C5: variants seen among roughly 807,000 people sequenced by gnomAD.
C5 encodes the protein C3 and PZP-like alpha-2-macroglobulin domain-containing protein 4.
In C5, 140 loss-of-function variants were observed where a neutral mutation model predicts 218.8. The ratio of observed to expected loss-of-function variants is 0.64; its 90% CI spans 0.56 to 0.74. The LOEUF (loss-of-function observed/expected upper bound fraction) is 0.74, where lower values mean the gene tolerates loss of function less well. Ranked by LOEUF, C5 falls within the 30% of genes least tolerant of loss-of-function variation. The pLI is 0.00. For missense variants in C5, 1,700 were observed against 1,969.6 expected, an observed-to-expected ratio of 0.86 and a Z score of 2.59; for synonymous variants, 614 against 682.3, an observed-to-expected ratio of 0.90 and a Z score of 1.56.
intron 12 of C5, among the ~76,000 whole-genome samples, chr9:121,018,252 C>CAAAAAA (rs1189613789): frequency 2.4e-5 from 1 of 42,204 alleles, no homozygotes; most frequent in Non-Finnish European, 4.4e-5. Flanking sequence ...GACTCTGTCT[C>CAAAAAA]AAAAAAAAAA....
At chr9:120,994,412 G>T (rs56152597) in intron 22 of C5, among the ~76,000 whole-genome samples, 16 of 151,778 alleles carry the variant, frequency 1.1e-4, no homozygotes, top group African/African-American at 3.9e-4. Flanking sequence ...GTAAAACCCC[G>T]TCTCTACTAA....
At chr9:121,002,284 ATATATG>A (rs1449184626) in intron 20 of C5, among the ~76,000 whole-genome samples, 1,217 of 118,612 alleles carry the variant, frequency 0.01, 34 homozygotes, top group African/African-American at 0.032. Flanking sequence ...ATATATACGT[ATATATG>A]TATATATGTA....
intron 31 of C5, among the ~76,000 whole-genome samples, chr9:120,970,543 G>C (rs569893351): frequency 3.2e-4 from 49 of 152,316 alleles, no homozygotes; most frequent in African/African-American, 1.2e-3. Flanking sequence ...GAGTTCCCAA[G>C]GTTCTTGTTT....
At chr9:120,962,630 A>G in intron 36 of C5, 41 bp downstream of exon 36, 1 of 1,373,016 alleles carries the variant, frequency 7.3e-7, no homozygotes, top group East Asian at 2.3e-5. Context: ...GAAAGAATAC[A>G]AAGTATTCTT....
the C5 span, among the ~76,000 whole-genome samples, chr9:121,067,886 T>A: frequency 6.6e-6 from 1 of 152,210 alleles, no homozygotes; most frequent in African/African-American, 2.4e-5. Context: ...TGTGAAACTG[T>A]GAGTCAATTA....
At chr9:120,963,803 C>T (rs765152421) in intron 33 of C5, 65 bp from the exon 34 acceptor site, 2 of 1,254,614 alleles carry the variant, frequency 1.6e-6, no homozygotes, top group Non-Finnish European at 2.3e-6. Flanking sequence ...AGAAAGGACA[C>T]TCTTCCTTAG....
chr9:120,974,908 GC>G lies in C5; in HGVS notation c.3887del (p.Gly1296AlafsTer2). ...STQDTINAIE[G>X]LTEYSLLVKQ... ...TAACCAGGAGTGAATATTCCGTCAG[GC>G]CCTCAATGGCATTGATTGTGTCCTG... On this transcript the variant is annotated frameshift_variant, in exon 30 of 41. Coordinates refer to ENST00000223642, the MANE Select transcript of C5 (RefSeq NM_001735.3). LOFTEE classifies it high-confidence loss of function. The G allele has an allele frequency of 1.2e-6, 2 of 1,614,160 alleles. No individual in the cohort carries two copies. The highest frequency in any genetic ancestry group is 4.5e-5 in the East Asian group (2 of 44,882).
intron 38 of C5, among the ~76,000 whole-genome samples, chr9:120,957,866 C>G (rs1348415200): frequency 2.0e-5 from 3 of 152,152 alleles, no homozygotes; most frequent in Non-Finnish European, 4.4e-5. Context: ...ATTCTGTTTT[C>G]TCACTCACCC....
intron 1 of C5, among the ~76,000 whole-genome samples, chr9:121,049,064 T>C (rs1441480675): frequency 6.6e-6 from 1 of 152,232 alleles, no homozygotes; most frequent in Non-Finnish European, 1.5e-5. Flanking sequence ...GTCTTACCGT[T>C]TGCTATATCT....
chr9:120,974,215 C>A lies in C5; in HGVS notation c.4017+564G>T, dbSNP rs887077910. Among the ~76,000 whole-genome samples the A allele has an allele frequency of 3.3e-5, 5 of 152,194 alleles. No individual in the cohort carries two copies. The East Asian group carries it at 9.7e-4, about 29-fold the overall frequency. On this transcript the variant is annotated intron_variant, in intron 30 of 40. Transcript: ENST00000223642. ...AATTTTCATAAGCCATCAAAGTTACCACCTTTAAAAATCCAGCAGTAGCAA... is the reference window on the plus strand; with the variant it reads ...AATTTTCATAAGCCATCAAAGTTACAACCTTTAAAAATCCAGCAGTAGCAA...
intron 23 of C5, among the ~76,000 whole-genome samples, chr9:120,990,037 A>C (rs1268596337): frequency 1.3e-5 from 2 of 152,218 alleles, no homozygotes; most frequent in Non-Finnish European, 2.9e-5. Context: ...TTGCTGCAAG[A>C]GAACATGGCA....
At chr9:120,994,230 A>ATT (rs201290404) in intron 22 of C5, among the ~76,000 whole-genome samples, 1 of 150,968 alleles carries the variant, frequency 6.6e-6, no homozygotes, top group Admixed American at 6.6e-5. Context: ...ACTTTTTAGC[A>ATT]TTTTTTTTTA....
Position 121,023,521 on chromosome 9 carries a change from TA to T in C5, c.1001-3del, listed in dbSNP as rs755692201. The T allele has an allele frequency of 7.0e-6, 11 of 1,561,082 alleles. No homozygotes were observed. Among genetic ancestry groups the T allele is most frequent in the Non-Finnish European group, 9.7e-6 (11 of 1,131,728 alleles). Reference sequence around the variant, plus strand: ...TTTCTGCCTCTTCAGAAAATCCACCTAAGGAAATGGCAAGCATCATGTTGAC... The same window carrying T: ...TTTCTGCCTCTTCAGAAAATCCACCTAGGAAATGGCAAGCATCATGTTGAC... On this transcript the variant is annotated splice_region_variant and splice_polypyrimidine_tract_variant and intron_variant, in intron 9 of 40. Coordinates refer to ENST00000223642, the MANE Select transcript of C5 (RefSeq NM_001735.3).
intron 28 of C5, among the ~76,000 whole-genome samples, chr9:120,978,220 A>T (rs2046967154): frequency 6.6e-6 from 1 of 152,148 alleles, no homozygotes; most frequent in Non-Finnish European, 1.5e-5. Context: ...TAAACCTCAA[A>T]TCCTTTTTGG....
intron 36 of C5, among the ~76,000 whole-genome samples, chr9:120,962,292 G>T (rs1051497755): frequency 2.0e-5 from 3 of 152,226 alleles, no homozygotes; most frequent in African/African-American, 7.2e-5. Context: ...TCTGCAAAGT[G>T]TAACAAGAAT....
chr9:121,044,616 G>A (rs1179401398), intron 2 of C5, among the ~76,000 whole-genome samples: 1 of 152,036 alleles, frequency 6.6e-6, no homozygotes, highest in Non-Finnish European at 1.5e-5. Flanking sequence ...TAAACAATTG[G>A]CAAATAAAGA....
the C5 span, among the ~76,000 whole-genome samples, chr9:121,063,726 A>G: frequency 2.0e-5 from 3 of 152,210 alleles, no homozygotes; most frequent in African/African-American, 7.2e-5. Context: ...GCAATGTGCA[A>G]AATGTTTTTG....
At chr9:121,063,369 G>A in the C5 span, among the ~76,000 whole-genome samples, 2 of 151,782 alleles carry the variant, frequency 1.3e-5, no homozygotes, top group Admixed American at 1.3e-4. Context: ...ATTTCTATTT[G>A]GTTCTTATTT....
rs1234751628 is a variant in C5 at position 120,962,977 on chromosome 9, A to C, written c.4324-10T>G. 6.3e-7 allele frequency: 1 copy of C among 1,599,428 alleles called. No homozygotes were observed. Among genetic ancestry groups the C allele is most frequent in the Non-Finnish European group, 8.6e-7 (1 of 1,166,696 alleles). Reference sequence around the variant, plus strand: ...CCACCCCTTCCACAAGCTAAGGGGGAAAAGAGAGAAGCTTGAATTTCATTT... The same window carrying C: ...CCACCCCTTCCACAAGCTAAGGGGGCAAAGAGAGAAGCTTGAATTTCATTT... On this transcript the variant is annotated splice_polypyrimidine_tract_variant and intron_variant, in intron 34 of 40. Transcript: ENST00000223642.
Sources: allele counts gnomAD v4.1 joint callset (sites outside exome capture counted in the v4.1 genomes callset), GRCh38; gene constraint gnomAD v4.1.1; transcripts MANE v1.5; gene names NCBI Gene and HGNC (gene_info 2026-07-23, HGNC 2026-07-21).